Variants in SP100 observed in about 807,000 individuals in gnomAD.
The protein encoded by SP100 is SP100 nuclear body protein.
A neutral mutation model predicts 130.0 loss-of-function variants in SP100; 84 were observed. The ratio of observed to expected loss-of-function variants is 0.65; its 90% CI spans 0.54 to 0.77. The LOEUF (loss-of-function observed/expected upper bound fraction) is 0.77. SP100 is among the 30% of genes least tolerant of loss of function. The pLI is 0.00. For missense variants in SP100, 978 were observed against 1,052.2 expected, an observed-to-expected ratio of 0.93 and a Z score of 0.97; for synonymous variants, 331 against 351.7, an observed-to-expected ratio of 0.94 and a Z score of 0.66.
At chr2:230,520,198 G>C (rs966507331) in intron 24 of SP100, among the ~76,000 whole-genome samples, 1 of 152,174 alleles carries the variant, frequency 6.6e-6, no homozygotes, top group Non-Finnish European at 1.5e-5. Flanking sequence ...AGTTAACAGT[G>C]TGGGGATTTT....
intron 13 of SP100, among the ~76,000 whole-genome samples, chr2:230,468,494 A>G (rs1310855865): frequency 7.7e-6 from 1 of 129,308 alleles, no homozygotes; most frequent in Non-Finnish European, 1.6e-5. Flanking sequence ...AACCTATGAA[A>G]ACAATACTGG....
chr2:230,541,505 T>C, intron 27 of SP100, 133 bp downstream of exon 27: 1 of 740,248 alleles, frequency 1.4e-6, no homozygotes, highest in East Asian at 2.6e-5. Flanking sequence ...AAATTTATCA[T>C]AGATTAGGTG....
intron 24 of SP100, chr2:230,515,841 C>A (rs1369331218): frequency 1.4e-6 from 2 of 1,380,924 alleles, no homozygotes; most frequent in Non-Finnish European, 1.9e-6. Flanking sequence ...AGCCACTAAC[C>A]TTTGCCTGGT....
chr2:230,426,231 TCCTATTA>T (rs1340975291), intron 2 of SP100, among the ~76,000 whole-genome samples: 2 of 152,170 alleles, frequency 1.3e-5, no homozygotes, highest in Non-Finnish European at 2.9e-5. Context: ...TCTATTGTTT[TCCTATTA>T]CCTATTTATT....
intron 2 of SP100, among the ~76,000 whole-genome samples, chr2:230,433,439 T>G (rs1038219392): frequency 2.0e-5 from 3 of 152,096 alleles, no homozygotes; most frequent in Non-Finnish European, 4.4e-5. Flanking sequence ...GTCTTCCAAC[T>G]TTTTTCTTCT....
chr2:230,460,992 G>T, intron 8 of SP100, among the ~76,000 whole-genome samples: 1 of 146,114 alleles, frequency 6.8e-6, no homozygotes. Context: ...TTATTCATGT[G>T]TCTTATACTG....
rs961979969 is a variant in SP100, at chr2:230,515,825, G to T, written c.2094+4659G>T. The T allele has an allele frequency of 3.6e-6, 5 of 1,401,766 alleles. No homozygotes were observed. The African/African-American group carries it at 4.3e-5, about 12-fold the overall frequency. 86.8% of individuals were successfully genotyped at this position (1,401,766 alleles called of 1,614,324 possible). The stretch of plus-strand genomic sequence containing the variant: ...GTCTTCAGATAGCCCTGTCCTGGTG[G>T]TATTTAGCCACTAACCTTTGCCTGG... On this transcript the variant is annotated intron_variant, in intron 24 of 28. Transcript: ENST00000340126.
At chr2:230,490,030 C>T (rs551743708) in intron 17 of SP100, among the ~76,000 whole-genome samples, 14 of 152,182 alleles carry the variant, frequency 9.2e-5, no homozygotes, top group African/African-American at 3.4e-4. Context: ...CTATTAGGTC[C>T]ACTTGATCCA....
At position 230,457,342 on chromosome 2, in the gene SP100, C is replaced by T. The variant is rs371435609; in HGVS notation, c.821-3920C>T. ...GTGCCACTTGGTCCAGTTTGGCACT[C>T]GGTCTGGTCTGGATCATGGGTTCAC... On this transcript the variant is annotated intron_variant, in intron 8 of 28. Transcript: ENST00000340126. 4.3e-4 allele frequency among the ~76,000 whole-genome samples: 66 copies of T among 152,332 alleles called. No homozygotes were observed. The South Asian group carries it at 0.013, about 29-fold the overall frequency.
intron 24 of SP100, among the ~76,000 whole-genome samples, chr2:230,522,400 T>C (rs1691212154): frequency 6.6e-6 from 1 of 152,008 alleles, no homozygotes; most frequent in Non-Finnish European, 1.5e-5. Context: ...TCCAGGCTTT[T>C]AAGCTGCTGT....
intron 24 of SP100, among the ~76,000 whole-genome samples, chr2:230,535,179 G>A (rs981032049): frequency 2.5e-4 from 37 of 148,114 alleles, no homozygotes; most frequent in African/African-American, 8.5e-4. Context: ...CTGGGCGACA[G>A]AGTGAGACTC....
chr2:230,477,984 G>A (rs982599662), intron 17 of SP100, among the ~76,000 whole-genome samples: 2 of 151,074 alleles, frequency 1.3e-5, no homozygotes, highest in Admixed American at 6.6e-5. Context: ...GTTAATTTGG[G>A]AAGAACAGAG....
At chr2:230,511,569 G>C (rs919357474) in intron 24 of SP100, among the ~76,000 whole-genome samples, 1 of 152,308 alleles carries the variant, frequency 6.6e-6, no homozygotes, top group East Asian at 1.9e-4. Flanking sequence ...CTGCTCCAAG[G>C]TGCAGACAGA....
rs573242801 is a variant in SP100 at position 230,488,883 on chromosome 2, G to C, written c.1601-5533G>C. ...CCAGGGATGAAGCCTACTTGATCAT[G>C]ATGGATATGTTTTTTAATGTACTGC... On this transcript the variant is annotated intron_variant, in intron 17 of 28. Coordinates refer to ENST00000340126, the MANE Select transcript of SP100 (RefSeq NM_001080391.2). Among the ~76,000 whole-genome samples the C allele has an allele frequency of 2.0e-5, 3 of 152,314 alleles. No homozygotes were observed. The East Asian group carries it at 5.8e-4, about 29-fold the overall frequency.
chr2:230,437,791 C>T (rs977969161), intron 2 of SP100, among the ~76,000 whole-genome samples: 1 of 151,950 alleles, frequency 6.6e-6, no homozygotes, highest in Non-Finnish European at 1.5e-5. Context: ...CTCCTGACCT[C>T]GTGATCCGCC....
chr2:230,505,461 C>T (rs1347772452), intron 21 of SP100, among the ~76,000 whole-genome samples: 2 of 152,176 alleles, frequency 1.3e-5, no homozygotes, highest in African/African-American at 4.8e-5. Flanking sequence ...TCAGCTATAC[C>T]AAGAGTGTCT....
intron 24 of SP100, chr2:230,516,281 G>A (rs1453392837): frequency 6.1e-6 from 1 of 163,202 alleles, no homozygotes; most frequent in East Asian, 1.9e-4. Flanking sequence ...GATTATTATT[G>A]AACTTATGCA....
chr2:230,522,199 G>A (rs989365532), intron 24 of SP100, among the ~76,000 whole-genome samples: 2 of 152,152 alleles, frequency 1.3e-5, no homozygotes, highest in Non-Finnish European at 2.9e-5. Flanking sequence ...TTTTAGTTGG[G>A]ACAGTCTTGG....
rs1245455260 is a variant in SP100, at chr2:230,543,738, G to A, written c.*792G>A. The A allele has an allele frequency of 1.3e-5, 2 of 152,128 alleles. No individual in the cohort carries two copies. Among genetic ancestry groups the A allele is most frequent in the Non-Finnish European group, 2.9e-5 (2 of 68,022 alleles). 9.4% of individuals were successfully genotyped at this position (152,128 alleles called of 1,614,324 possible). ...CATTAAAATGACCATACTGCCCAAA[G>A]CAGTTTACAGGTTCAATGTTATTCC... On this transcript the variant is annotated 3_prime_UTR_variant, in exon 29 of 29. Transcript: ENST00000340126.
Sources: allele counts gnomAD v4.1 joint callset (sites outside exome capture counted in the v4.1 genomes callset), GRCh38; gene constraint gnomAD v4.1.1; transcripts MANE v1.5; gene names NCBI Gene and HGNC (gene_info 2026-07-23, HGNC 2026-07-21).